Variants in SCTR observed in about 807,000 individuals in gnomAD.
SCTR encodes pancreatic secretin receptor.
Under a neutral mutation model 60.8 loss-of-function variants are expected in SCTR, and 56 were observed. The observed-to-expected ratio is 0.92, with a 90% confidence interval of 0.74 to 1.15. The LOEUF is 1.15. SCTR is among the 50% of genes most tolerant of loss of function. The pLI is 0.00. For synonymous variants in SCTR, 202 were observed against 217.0 expected, an observed-to-expected ratio of 0.93 and a Z score of 0.61; for missense variants, 562 against 550.4, an observed-to-expected ratio of 1.02 and a Z score of -0.21.
intron 2 of SCTR, among the ~76,000 whole-genome samples, chr2:119,492,842 A>G (rs1349529163): frequency 5.1e-5 from 7 of 137,378 alleles, no homozygotes; most frequent in African/African-American, 1.9e-4. Context: ...ATATTTATTT[A>G]TTTATTTATT....
intron 1 of SCTR, among the ~76,000 whole-genome samples, chr2:119,497,413 GA>G (rs1487814963): frequency 6.6e-6 from 1 of 150,924 alleles, no homozygotes; most frequent in Non-Finnish European, 1.5e-5. Flanking sequence ...AACATAAAAT[GA>G]AAATGTCTAT....
chr2:119,445,733 G>A (rs926126597), intron 11 of SCTR, among the ~76,000 whole-genome samples: 5 of 152,192 alleles, frequency 3.3e-5, no homozygotes, highest in African/African-American at 7.2e-5. Context: ...TCTCCCGGCC[G>A]TTAGTTTGAT....
chr2:119,497,344 C>A (rs1484655696), intron 1 of SCTR, among the ~76,000 whole-genome samples: 1 of 149,694 alleles, frequency 6.7e-6, no homozygotes. Context: ...CCCACTTCCC[C>A]TCTCAAAAAA....
chr2:119,480,896 G>A (rs546857429), intron 2 of SCTR: 2 of 152,538 alleles, frequency 1.3e-5, no homozygotes, highest in East Asian at 3.9e-4. Context: ...CAAAAAGAAA[G>A]AGCCAGGACT....
chr2:119,489,542 G>T (rs896237252), intron 2 of SCTR, among the ~76,000 whole-genome samples: 1 of 152,204 alleles, frequency 6.6e-6, no homozygotes, highest in Non-Finnish European at 1.5e-5. Flanking sequence ...ACAGTGCAGT[G>T]CAGAGGTGCG....
At chr2:119,504,137 A>T (rs563095099) in intron 1 of SCTR, among the ~76,000 whole-genome samples, 1 of 152,206 alleles carries the variant, frequency 6.6e-6, no homozygotes, top group Non-Finnish European at 1.5e-5. Flanking sequence ...ATTACTGACA[A>T]AGGTACAAAG....
chr2:119,481,713 G>A (rs1677613612), intron 2 of SCTR, among the ~76,000 whole-genome samples: 1 of 152,228 alleles, frequency 6.6e-6, no homozygotes, highest in South Asian at 2.1e-4. Flanking sequence ...GAGAGCCCAG[G>A]AGAGCACGCC....
chr2:119,504,452 G>A (rs186171231), intron 1 of SCTR, among the ~76,000 whole-genome samples: 42 of 152,112 alleles, frequency 2.8e-4, no homozygotes, highest in African/African-American at 8.9e-4. Flanking sequence ...TTAGCTGGGC[G>A]TGGTGGCGCA....
At chr2:119,490,904 C>A (rs1678094526) in intron 2 of SCTR, among the ~76,000 whole-genome samples, 1 of 152,196 alleles carries the variant, frequency 6.6e-6, no homozygotes, top group Non-Finnish European at 1.5e-5. Flanking sequence ...GAAGCAGCCC[C>A]ATCTCTGACT....
intron 4 of SCTR, among the ~76,000 whole-genome samples, chr2:119,467,296 T>G (rs1683878122): frequency 6.6e-6 from 1 of 151,954 alleles, no homozygotes; most frequent in Admixed American, 6.6e-5. Context: ...GGAGGCTCGC[T>G]TGAACCCGGG....
chr2:119,500,568 G>T (rs1227415738), intron 1 of SCTR, among the ~76,000 whole-genome samples: 1 of 152,226 alleles, frequency 6.6e-6, no homozygotes, highest in Non-Finnish European at 1.5e-5. Flanking sequence ...CCTGTCATTT[G>T]TGGCAACACA....
chr2:119,478,676 G>T, intron 3 of SCTR, 135 bp downstream of exon 3: 1 of 741,616 alleles, frequency 1.3e-6, no homozygotes, highest in Non-Finnish European at 2.2e-6. Context: ...CTAATCCTTT[G>T]CAGTGATCTC....
intron 1 of SCTR, among the ~76,000 whole-genome samples, chr2:119,509,757 T>C (rs1170960076): frequency 6.6e-6 from 1 of 152,124 alleles, no homozygotes; most frequent in East Asian, 1.9e-4. Flanking sequence ...CCAGTATCCA[T>C]TTCCATTACC....
intron 2 of SCTR, chr2:119,484,828 A>G (rs1677795550): frequency 6.6e-6 from 1 of 152,398 alleles, no homozygotes; most frequent in Admixed American, 6.5e-5. Context: ...GAAAACAGAA[A>G]AAGAGCAAGA....
intron 11 of SCTR, among the ~76,000 whole-genome samples, chr2:119,442,385 A>T (rs562793364): frequency 1.3e-5 from 2 of 152,122 alleles, no homozygotes; most frequent in South Asian, 4.2e-4. Context: ...TTTCTCAGGG[A>T]CCCACCTCAG....
intron 7 of SCTR, among the ~76,000 whole-genome samples, chr2:119,457,225 T>G (rs113340306): frequency 6.6e-5 from 10 of 151,876 alleles, no homozygotes; most frequent in Non-Finnish European, 1.3e-4. Flanking sequence ...TGGCAATATA[T>G]ATATATAAAA....
intron 4 of SCTR, among the ~76,000 whole-genome samples, chr2:119,470,662 C>G (rs1209368834): frequency 6.6e-6 from 1 of 152,132 alleles, no homozygotes; most frequent in Non-Finnish European, 1.5e-5. Flanking sequence ...CTCCATTATT[C>G]GTACTGATTA....
chr2:119,440,001 T>C lies in SCTR; in HGVS notation c.*116A>G. The C allele has an allele frequency of 1.8e-6, 2 of 1,122,054 alleles. No homozygotes were observed. The highest frequency in any genetic ancestry group is 2.5e-6 in the Non-Finnish European group (2 of 791,322). 69.5% of individuals were successfully genotyped at this position (1,122,054 alleles called of 1,614,324 possible). On this transcript the variant is annotated 3_prime_UTR_variant, in exon 13 of 13. Coordinates refer to ENST00000019103, the MANE Select transcript of SCTR (RefSeq NM_002980.3). ...AGTCCAAGGCCTGGGGAGGGGCATCTTCAGCTGAAGGAGGACACAGGGTGT... is the reference window on the plus strand; with the variant it reads ...AGTCCAAGGCCTGGGGAGGGGCATCCTCAGCTGAAGGAGGACACAGGGTGT...
intron 1 of SCTR, among the ~76,000 whole-genome samples, chr2:119,519,118 C>G (rs1301506304): frequency 6.6e-6 from 1 of 152,142 alleles, no homozygotes; most frequent in South Asian, 2.1e-4. Flanking sequence ...CAGGCCACCA[C>G]GCCCAGCTAA....
Sources: allele counts gnomAD v4.1 joint callset (sites outside exome capture counted in the v4.1 genomes callset), GRCh38; gene constraint gnomAD v4.1.1; transcripts MANE v1.5; gene names NCBI Gene and HGNC (gene_info 2026-07-23, HGNC 2026-07-21).